Variants in SLC36A1 observed in about 807,000 individuals in gnomAD.
The protein encoded by SLC36A1 is solute carrier family 36 member 1.
SLC36A1 carries 30 observed loss-of-function variants against 47.5 expected under a neutral mutation model. That is an observed-to-expected ratio of 0.63 (90% CI 0.47 to 0.86). SLC36A1 has a LOEUF of 0.86. Ranked by LOEUF, SLC36A1 falls within the 40% of genes least tolerant of loss-of-function variation. SLC36A1 has a pLI of 0.00. For missense variants in SLC36A1, 517 were observed against 606.0 expected, an observed-to-expected ratio of 0.85 and a Z score of 1.54; for synonymous variants, 255 against 249.7, an observed-to-expected ratio of 1.02 and a Z score of -0.20.
the SLC36A1 span, among the ~76,000 whole-genome samples, chr5:151,387,946 A>G: frequency 6.6e-6 from 1 of 152,352 alleles, no homozygotes; most frequent in East Asian, 1.9e-4. Context: ...TGACACTGGC[A>G]TGACATCACA....
At chr5:151,510,099 G>C in the SLC36A1 span, 9 of 1,614,054 alleles carry the variant, frequency 5.6e-6, no homozygotes, top group African/African-American at 1.1e-4. Flanking sequence ...TTCCAGGCAG[G>C]GTGCAAAAGT....
chr5:151,543,360 C>T, the SLC36A1 span: 11 of 1,614,094 alleles, frequency 6.8e-6, no homozygotes, highest in Admixed American at 1.7e-5. Flanking sequence ...ATACTGTGTA[C>T]TCAGATGCTT....
intron 1 of SLC36A1, among the ~76,000 whole-genome samples, chr5:151,455,120 C>T (rs908950797): frequency 6.6e-6 from 1 of 152,128 alleles, no homozygotes; most frequent in African/African-American, 2.4e-5. Context: ...CCATGTGTAA[C>T]ATCTAGCATG....
chr5:151,385,872 C>CT, the SLC36A1 span, among the ~76,000 whole-genome samples: 1,417 of 132,712 alleles, frequency 0.011, 26 homozygotes, highest in African/African-American at 0.036. Context: ...CCTTCTGTAT[C>CT]TTTTTTTTTT....
chr5:151,540,263 G>A, the SLC36A1 span, among the ~76,000 whole-genome samples: 437 of 152,304 alleles, frequency 2.9e-3, 1 homozygote, highest in African/African-American at 9.8e-3. Context: ...GCCCCTGGGA[G>A]CTAGTCTGAG....
the SLC36A1 span, among the ~76,000 whole-genome samples, chr5:151,361,277 T>C: frequency 9.9e-5 from 15 of 152,214 alleles, no homozygotes; most frequent in African/African-American, 3.1e-4. Context: ...ATTTTCACAA[T>C]GATATAATTG....
the SLC36A1 span, among the ~76,000 whole-genome samples, chr5:151,394,751 G>T: frequency 6.6e-6 from 1 of 152,184 alleles, no homozygotes; most frequent in Non-Finnish European, 1.5e-5. Context: ...CTGCCTGATC[G>T]TTCCTCTGGA....
At chr5:151,375,314 G>C in the SLC36A1 span, among the ~76,000 whole-genome samples, 13 of 152,190 alleles carry the variant, frequency 8.5e-5, no homozygotes, top group Middle Eastern at 3.4e-3. Context: ...TATTGAAAAG[G>C]GTATCCTTTT....
rs542291970 is a variant in SLC36A1 at position 151,485,945 on chromosome 5, C to T, written c.1160-2038C>T. Reference sequence around the variant, plus strand: ...TTTCAATGTAAATAGCCGTCCGTGGCTATGTTGGACAGCACAGCTCCAGGG... The same window carrying T: ...TTTCAATGTAAATAGCCGTCCGTGGTTATGTTGGACAGCACAGCTCCAGGG... On this transcript the variant is annotated intron_variant, in intron 10 of 10. Coordinates refer to ENST00000243389, the MANE Select transcript of SLC36A1 (RefSeq NM_078483.4). Among the ~76,000 whole-genome samples the T allele has an allele frequency of 1.3e-4, 20 of 152,292 alleles. No homozygotes were observed. In the South Asian group the frequency reaches 2.1e-3, roughly 16 times the overall value.
chr5:151,463,699 T>C, intron 3 of SLC36A1, 56 bp downstream of exon 3: 4 of 1,339,678 alleles, frequency 3.0e-6, no homozygotes, highest in Non-Finnish European at 4.3e-6. Context: ...GGTAGCTTTT[T>C]GTTGTTGTTA....
chr5:151,554,051 G>T, the SLC36A1 span, among the ~76,000 whole-genome samples: 7 of 152,312 alleles, frequency 4.6e-5, no homozygotes, highest in East Asian at 1.9e-4. Context: ...ACATCACACA[G>T]GTGTAAAATG....
At chr5:151,545,807 A>G in the SLC36A1 span, 4 of 1,614,106 alleles carry the variant, frequency 2.5e-6, no homozygotes, top group East Asian at 2.2e-5. Context: ...ATCATGCTAT[A>G]CAGTGGAGCT....
Position 151,491,053 on chromosome 5 carries a change from C to T in SLC36A1, c.*2799C>T, listed in dbSNP as rs1206474130. ...GGCCAGATACTCTTGAGCTCTGTGACCCTGCTCCTGTCACCCCAATTTCTC... is the reference window on the plus strand; with the variant it reads ...GGCCAGATACTCTTGAGCTCTGTGATCCTGCTCCTGTCACCCCAATTTCTC... On this transcript the variant is annotated 3_prime_UTR_variant, in exon 11 of 11. Transcript: ENST00000243389. 1.3e-5 allele frequency: 2 copies of T among 152,358 alleles called. No individual in the cohort carries two copies. Among genetic ancestry groups the T allele is most frequent in the Admixed American group, 6.5e-5 (1 of 15,276 alleles). The allele number at this position is 152,358 out of a possible 1,614,324, so 9.4% of individuals were successfully genotyped here. A position where few individuals can be genotyped will look rare whatever the true frequency, so the allele number is the denominator to read the frequency against.
chr5:151,442,061 T>G lies in SLC36A1; in HGVS notation c.-6+4882T>G, dbSNP rs1314491000. ...ATGTCTTTTGCTTAGCATAATTATT[T>G]TTTGATTTATCCATGTATAATTATT... On this transcript the variant is annotated intron_variant, in intron 1 of 8. Transcript: ENST00000429484. Among the ~76,000 whole-genome samples the G allele has an allele frequency of 2.0e-5, 3 of 148,214 alleles. No individual in the cohort carries two copies. The East Asian group carries it at 5.8e-4, about 29-fold the overall frequency.
At chr5:151,406,856 CG>C in the SLC36A1 span, among the ~76,000 whole-genome samples, 1 of 152,020 alleles carries the variant, frequency 6.6e-6, no homozygotes, top group Non-Finnish European at 1.5e-5. Context: ...AATGAAGCCA[CG>C]GGCCCTCGCG....
chr5:151,506,812 C>T, the SLC36A1 span, among the ~76,000 whole-genome samples: 22 of 152,344 alleles, frequency 1.4e-4, no homozygotes, highest in Middle Eastern at 3.4e-3. Context: ...GAAGCTTAGA[C>T]CACTTCTCCT....
At chr5:151,503,712 G>A in the SLC36A1 span, among the ~76,000 whole-genome samples, 2 of 152,268 alleles carry the variant, frequency 1.3e-5, no homozygotes, top group South Asian at 2.1e-4. Context: ...TCCCTTCTCC[G>A]TAACTAATGC....
the SLC36A1 span, among the ~76,000 whole-genome samples, chr5:151,530,462 T>G: frequency 6.6e-6 from 1 of 152,124 alleles, no homozygotes; most frequent in Non-Finnish European, 1.5e-5. Context: ...GATGGAAAAT[T>G]CTATTAGACA....
chr5:151,555,148 C>T, the SLC36A1 span, among the ~76,000 whole-genome samples: 2 of 152,184 alleles, frequency 1.3e-5, no homozygotes, highest in South Asian at 4.1e-4. Flanking sequence ...AAAACCATTT[C>T]AGAACCAGTA....
Sources: gnomAD v4.1 joint callset for allele counts (sites outside exome capture counted in the v4.1 genomes callset) on GRCh38, gnomAD v4.1.1 for gene constraint, MANE v1.5 for transcripts, NCBI Gene and HGNC (gene_info 2026-07-23, HGNC 2026-07-21) for gene names.